The following AKAP12 variants were observed in gnomAD, a reference collection of about 807,000 sequenced individuals.
AKAP12 encodes the protein A-kinase anchoring protein 12, also known as A-kinase anchor protein 12.
AKAP12 carries 32 observed loss-of-function variants against 79.9 expected under a neutral mutation model. That is an observed-to-expected ratio of 0.40 (90% CI 0.30 to 0.54). The LOEUF is 0.54. AKAP12 is among the 20% of genes least tolerant of loss of function. The probability of loss-of-function intolerance (pLI) is 0.48; values close to 1 mark genes in which losing one functional copy is unlikely to be tolerated. For synonymous variants in AKAP12, 808 were observed against 857.0 expected, an observed-to-expected ratio of 0.94 and a Z score of 1.00; for missense variants, 2,074 against 2,177.0, an observed-to-expected ratio of 0.95 and a Z score of 0.94.
Position 151,331,838 on chromosome 6 carries a change from T to C in AKAP12, c.320-16873T>C, listed in dbSNP as rs969264992. On this transcript the variant is annotated intron_variant, in intron 3 of 4. Coordinates refer to ENST00000402676, the MANE Select transcript of AKAP12 (RefSeq NM_005100.4). ...AGGTGGAGCTGGCAGTAAGCCAAGA[T>C]TGCACCAACGCACTCCAGCCTGGAC... is the stretch of plus-strand genomic sequence containing the variant. 2.7e-5 allele frequency among the ~76,000 whole-genome samples: 4 copies of C among 148,116 alleles called. No individual in the cohort carries two copies. In the Admixed American group the frequency reaches 2.7e-4, roughly 10 times the overall value.
chr6:151,254,005 G>A (rs538721202), intron 2 of AKAP12, among the ~76,000 whole-genome samples: 3 of 152,182 alleles, frequency 2.0e-5, no homozygotes, highest in Non-Finnish European at 2.9e-5. Context: ...CACTGTGCCC[G>A]GCCAGAAATG....
In AKAP12 at chr6:151,352,946, G is replaced by A. The variant is rs767438155; in HGVS notation, c.4555G>A (p.Val1519Ile). Residue 1519 changes from valine to isoleucine, a missense_variant, in exon 4 of 5, where the codon GTT (valine) becomes ATT (isoleucine). By Grantham distance (29) the Val-to-Ile change is conservative. Coordinates refer to ENST00000402676, the MANE Select transcript of AKAP12 (RefSeq NM_005100.4). ...KWKSDEVDEQ[V>I]ACQEVKVSVA... ...GAAGTCAGATGAAGTCGATGAGCAG[G>A]TTGCTTGCCAGGAGGTCAAAGTGAG... The A allele has an allele frequency of 6.2e-6, 10 of 1,610,796 alleles. No homozygotes were observed. The highest frequency in any genetic ancestry group is 3.3e-4 in the Middle Eastern group (2 of 6,082).
chr6:151,318,469 T>C (rs774802283), intron 3 of AKAP12, among the ~76,000 whole-genome samples: 8 of 152,238 alleles, frequency 5.3e-5, no homozygotes, highest in Non-Finnish European at 8.8e-5. Context: ...GTCAGTGTTA[T>C]CTTGATAGAT....
chr6:151,349,025 G>A lies in AKAP12; in HGVS notation c.634G>A (p.Ala212Thr). The A allele has an allele frequency of 6.2e-7, 1 of 1,613,278 alleles. No individual in the cohort carries two copies. The highest frequency in any genetic ancestry group is 2.2e-5 in the East Asian group (1 of 44,810). Residue 212 changes from alanine to threonine, a missense_variant, in exon 4 of 5, where the codon GCT becomes ACT. Ala to Thr is a moderately conservative substitution (Grantham distance 58). Around this residue, in one of 3 missense-constraint regions of AKAP12, gnomAD observed 1,428 missense variants for 1,451.0 expected, o/e 0.98. Transcript: ENST00000402676. The stretch of plus-strand genomic sequence containing the variant: ...AGATGAAGGGGAGGGAGCAGCAGGG[G>A]CTGGCGACCACAAGGACCCCAGCCT... ...KKDEGEGAAGAGDHKDPSLGA... is the reference protein window; with the variant it reads ...KKDEGEGAAGTGDHKDPSLGA...
At position 151,348,915 on chromosome 6, in the gene AKAP12, T is replaced by C; in HGVS notation, c.524T>C (p.Val175Ala). 1.2e-6 allele frequency: 2 copies of C among 1,613,200 alleles called. No homozygotes were observed. Among genetic ancestry groups the C allele is most frequent in the Non-Finnish European group, 1.7e-6 (2 of 1,179,784 alleles). Residue 175 changes from valine to alanine, a missense_variant, in exon 4 of 5, where the codon GTG becomes GCG. Around this residue, in one of 3 missense-constraint regions of AKAP12, gnomAD observed 1,428 missense variants for 1,451.0 expected, o/e 0.98. Coordinates refer to ENST00000402676, the MANE Select transcript of AKAP12 (RefSeq NM_005100.4). Reference protein sequence around the residue: ...SQANDIGFKKVFKFVGFKFTV... With the variant: ...SQANDIGFKKAFKFVGFKFTV... ...GCTAATGATATTGGATTTAAGAAGG[T>C]GTTTAAGTTTGTTGGCTTTAAATTC... is the stretch of plus-strand genomic sequence containing the variant.
At position 151,352,863 on chromosome 6, in the gene AKAP12, C is replaced by T. The variant is rs749656784; in HGVS notation, c.4472C>T (p.Thr1491Ile). Residue 1491 changes from threonine (T) to isoleucine (I), a missense_variant, in exon 4 of 5, where the codon ACT (threonine) becomes ATT (isoleucine). Thr to Ile is a moderately conservative substitution (Grantham distance 89, BLOSUM62 -1). This residue lies in a region of AKAP12 where 614 missense variants were observed against 665.6 expected (regional missense o/e 0.92). Transcript: ENST00000402676. Reference protein sequence around the residue: ...AKSTPVIVSATTKKGLSSDLE... With the variant: ...AKSTPVIVSAITKKGLSSDLE... ...TCGACACCAGTGATAGTATCTGCTA[C>T]TACCAAGAAAGGCTTAAGTTCCGAC... is the stretch of plus-strand genomic sequence containing the variant. The T allele has an allele frequency of 6.2e-7, 1 of 1,614,226 alleles. No homozygotes were observed. Among genetic ancestry groups the T allele is most frequent in the South Asian group, 1.1e-5 (1 of 91,086 alleles).
At chr6:151,272,245 C>T (rs1313767702) in intron 2 of AKAP12, among the ~76,000 whole-genome samples, 1 of 150,072 alleles carries the variant, frequency 6.7e-6, no homozygotes, top group African/African-American at 2.5e-5. Context: ...CTTAGGAGGA[C>T]TAGGTGGAAG....
chr6:151,340,966 C>T (rs144316740), intron 3 of AKAP12, among the ~76,000 whole-genome samples: 1 of 152,270 alleles, frequency 6.6e-6, no homozygotes, highest in East Asian at 1.9e-4. Flanking sequence ...GTTCCATTAT[C>T]GAGGATAAGT....
At chr6:151,314,700 C>G (rs1338250111) in intron 3 of AKAP12, among the ~76,000 whole-genome samples, 1 of 152,128 alleles carries the variant, frequency 6.6e-6, no homozygotes, top group East Asian at 1.9e-4. Flanking sequence ...ATGTTCTGGC[C>G]CATTTGAGAA....
chr6:151,283,421 AGAG>A (rs993093079), intron 2 of AKAP12, among the ~76,000 whole-genome samples: 1 of 152,198 alleles, frequency 6.6e-6, no homozygotes, highest in Non-Finnish European at 1.5e-5. Flanking sequence ...TGCCTGAAAA[AGAG>A]TATTATCAAG....
At chr6:151,250,691 C>T (rs964896057) in intron 2 of AKAP12, among the ~76,000 whole-genome samples, 4 of 150,708 alleles carry the variant, frequency 2.7e-5, no homozygotes, top group African/African-American at 4.9e-5. Flanking sequence ...CTGCAAACTC[C>T]GCCTCCCGGG....
chr6:151,278,172 A>G (rs1250915715), intron 2 of AKAP12, among the ~76,000 whole-genome samples: 2 of 152,136 alleles, frequency 1.3e-5, no homozygotes, highest in African/African-American at 2.4e-5. Context: ...ATTTACAATG[A>G]AGGGGAATTC....
At chr6:151,296,171 G>T (rs1776720090) in intron 2 of AKAP12, among the ~76,000 whole-genome samples, 1 of 152,194 alleles carries the variant, frequency 6.6e-6, no homozygotes, top group South Asian at 2.1e-4. Context: ...GCAGCAGGAA[G>T]AGAGCTCTGG....
At chr6:151,268,945 G>GTT (rs558502756) in intron 2 of AKAP12, among the ~76,000 whole-genome samples, 5,169 of 76,668 alleles carry the variant, frequency 0.067, 1,292 homozygotes, top group Non-Finnish European at 0.11. Flanking sequence ...TGCTCGGCCT[G>GTT]TTTTTTTTTT....
chr6:151,258,926 C>CTGTGTG (rs35650826), intron 2 of AKAP12, among the ~76,000 whole-genome samples: 94 of 148,058 alleles, frequency 6.3e-4, no homozygotes, highest in Middle Eastern at 6.9e-3. Flanking sequence ...TGTGCCCAGC[C>CTGTGTG]TGTGTGTGTG....
At chr6:151,283,989 T>G (rs1776454030) in intron 2 of AKAP12, among the ~76,000 whole-genome samples, 1 of 152,176 alleles carries the variant, frequency 6.6e-6, no homozygotes, top group Non-Finnish European at 1.5e-5. Flanking sequence ...GCAGGCAGAT[T>G]GCTGGTTTGG....
chr6:151,259,229 A>G (rs1010977938), intron 2 of AKAP12, among the ~76,000 whole-genome samples: 1 of 151,196 alleles, frequency 6.6e-6, no homozygotes. Flanking sequence ...AATTTTTAGT[A>G]GAGATGGGGT....
intron 2 of AKAP12, among the ~76,000 whole-genome samples, chr6:151,276,317 G>A (rs1256913016): frequency 6.6e-6 from 1 of 152,214 alleles, no homozygotes; most frequent in African/African-American, 2.4e-5. Context: ...GTCACTGATT[G>A]CAAGTGCTTG....
chr6:151,352,556 G>T lies in AKAP12; in HGVS notation c.4165G>T (p.Val1389Phe), dbSNP rs1471915772. ...GCCCATCATAGATGGGGCAAAGGAA[G>T]TCAGCAGTTTGGAAGGAAGCCCTCC... is the stretch of plus-strand genomic sequence containing the variant. Reference protein sequence around the residue: ...NVPIIDGAKEVSSLEGSPPPC... With the variant: ...NVPIIDGAKEFSSLEGSPPPC... The change falls in exon 4 of 5, where the codon GTC becomes TTC. Residue 1389 changes from valine (V) to phenylalanine (F), a missense_variant. Val to Phe is a conservative substitution (Grantham distance 50). Coordinates refer to ENST00000402676, the MANE Select transcript of AKAP12 (RefSeq NM_005100.4). The T allele has an allele frequency of 1.2e-6, 2 of 1,614,092 alleles. No homozygotes were observed. Among genetic ancestry groups the T allele is most frequent in the African/African-American group, 2.7e-5 (2 of 74,926 alleles).
Sources: gnomAD v4.1 joint callset for allele counts (sites outside exome capture counted in the v4.1 genomes callset) on GRCh38, gnomAD v4.1.1 for gene constraint, gnomAD v4.1.1 regional missense constraint, MANE v1.5 for transcripts, NCBI Gene and HGNC (gene_info 2026-07-23, HGNC 2026-07-21) for gene names.